KCNQ1OT1: variants seen among roughly 807,000 people sequenced by gnomAD.
KCNQ1OT1 encodes KCNQ1 opposite strand/antisense transcript 1.
rs1850512770 is a variant in KCNQ1OT1, at chr11:2,687,601, G to A, written n.12394C>T. 2.5e-6 allele frequency: 1 copy of A among 398,708 alleles called. No individual in the cohort carries two copies. The highest frequency in any genetic ancestry group is 3.6e-5 in the East Asian group (1 of 28,076). 24.7% of individuals were successfully genotyped at this position (398,708 alleles called of 1,614,324 possible). On this transcript the variant is annotated non_coding_transcript_exon_variant, in exon 1 of 1. Transcript: ENST00000597346. The surrounding 1 kb of genome is among the most constrained non-coding windows in gnomAD (Gnocchi z 5.0). ...AAGGAGGTGTGACTGAGAAAGGAAG[G>A]GGCAGAGATCCCTTCTCCATTCCTC...
exon 1 of KCNQ1OT1, chr11:2,643,284 T>C: frequency 2.5e-6 from 1 of 398,396 alleles, no homozygotes. Flanking sequence ...ATTATTGTGT[T>C]GAAGTCTACC....
At chr11:2,686,633 C>T (rs1850494477) in exon 1 of KCNQ1OT1, 1 of 398,616 alleles carries the variant, frequency 2.5e-6, no homozygotes, top group Admixed American at 4.4e-5. Context: ...GCCCTCAGGC[C>T]CAGGCTGCAC....
Position 2,642,413 on chromosome 11 carries a change from T to C in KCNQ1OT1, n.57582A>G. ...GATTTCTTTCTCAGCTGGTTCTTTA[T>C]TGGTATATAGAAATAAGCCTGATTT... On this transcript the variant is annotated non_coding_transcript_exon_variant, in exon 1 of 1. Transcript: ENST00000597346. The surrounding 1 kb of genome is among the most constrained non-coding windows in gnomAD (Gnocchi z 4.3). The C allele has an allele frequency of 2.5e-6, 1 of 398,204 alleles. No individual in the cohort carries two copies. The highest frequency in any genetic ancestry group is 3.6e-5 in the East Asian group (1 of 27,984). The allele number at this position is 398,204 out of a possible 1,614,324, so 24.7% of individuals were successfully genotyped here.
At chr11:2,692,207 C>A (rs1294125130) in exon 1 of KCNQ1OT1, 3 of 398,744 alleles carry the variant, frequency 7.5e-6, no homozygotes, top group Non-Finnish European at 1.3e-5. Context: ...ATTTCCGATA[C>A]ACCCGCTTCC....
In KCNQ1OT1 at chr11:2,670,040, C is replaced by G. The variant is rs1590020955; in HGVS notation, n.29955G>C. On this transcript the variant is annotated non_coding_transcript_exon_variant, in exon 1 of 1. Coordinates refer to ENST00000597346, the Ensembl canonical transcript of KCNQ1OT1. This position sits in a 1 kb window ranked among gnomAD's most constrained non-coding sequence, Gnocchi z 4.9. ...GTCCCGTGGAGGTACAGGCGGAAACCTAGCACTCACTATTCTGCTCTGGGG... is the reference window on the plus strand; with the variant it reads ...GTCCCGTGGAGGTACAGGCGGAAACGTAGCACTCACTATTCTGCTCTGGGG... The G allele has an allele frequency of 2.5e-6, 1 of 398,520 alleles. No individual in the cohort carries two copies. The highest frequency in any genetic ancestry group is 4.4e-5 in the Admixed American group (1 of 22,712). 24.7% of individuals were successfully genotyped at this position (398,520 alleles called of 1,614,324 possible).
At position 2,617,673 on chromosome 11, in the gene KCNQ1OT1, C is replaced by T; in HGVS notation, n.82322G>A. 1 of 398,406 alleles carries T rather than the reference C, an allele frequency of 2.5e-6. No homozygotes were observed. 24.7% of individuals were successfully genotyped at this position (398,406 alleles called of 1,614,324 possible). On this transcript the variant is annotated non_coding_transcript_exon_variant, in exon 1 of 1. Coordinates refer to ENST00000597346, the Ensembl canonical transcript of KCNQ1OT1. This position sits in a 1 kb window ranked among gnomAD's most constrained non-coding sequence, Gnocchi z 4.6. ...ATTATGACTGCACCAATCTACAGTC[C>T]CACCAACACTGTACAAGAGTTCCCT...
exon 1 of KCNQ1OT1, chr11:2,662,098 G>C: frequency 1.9e-6 from 3 of 1,614,144 alleles, no homozygotes; most frequent in Non-Finnish European, 2.5e-6. Context: ...GCCTACATGT[G>C]CGTGAAGGGC....
In KCNQ1OT1 at chr11:2,657,669, C is replaced by T; in HGVS notation, n.42326G>A. ...TATTTGGATTTCCCCAGTTTAACTACTAATGTCCTTTTTCTGTTCCAAGAT... is the reference window on the plus strand; with the variant it reads ...TATTTGGATTTCCCCAGTTTAACTATTAATGTCCTTTTTCTGTTCCAAGAT... On this transcript the variant is annotated non_coding_transcript_exon_variant, in exon 1 of 1. Transcript: ENST00000597346. This position sits in a 1 kb window ranked among gnomAD's most constrained non-coding sequence, Gnocchi z 4.8. 2.5e-6 allele frequency: 1 copy of T among 398,626 alleles called. No homozygotes were observed. The highest frequency in any genetic ancestry group is 4.4e-6 in the Non-Finnish European group (1 of 226,050). 24.7% of individuals were successfully genotyped at this position (398,626 alleles called of 1,614,324 possible). A position where few individuals can be genotyped will look rare whatever the true frequency, so the allele number is the denominator to read the frequency against.
chr11:2,625,632 G>A, exon 1 of KCNQ1OT1: 1 of 392,896 alleles, frequency 2.5e-6, no homozygotes, highest in Non-Finnish European at 4.4e-6. Context: ...GCTGAGTGCA[G>A]TGGTGCCATC....
In KCNQ1OT1 at chr11:2,669,183, T is replaced by C; in HGVS notation, n.30812A>G. 2.5e-6 allele frequency: 1 copy of C among 398,706 alleles called. No homozygotes were observed. Among genetic ancestry groups the C allele is most frequent in the Non-Finnish European group, 4.4e-6 (1 of 226,088 alleles). The allele number at this position is 398,706 out of a possible 1,614,324, so 24.7% of individuals were successfully genotyped here. A position where few individuals can be genotyped will look rare whatever the true frequency, so the allele number is the denominator to read the frequency against. ...TTGTTCTTTGTGGCCAGGACCTTGC[T>C]TCCTTCTCACTGTAGTTTGCTAACA... On this transcript the variant is annotated non_coding_transcript_exon_variant, in exon 1 of 1. Transcript: ENST00000597346. The surrounding 1 kb of genome is among the most constrained non-coding windows in gnomAD (Gnocchi z 5.6).
exon 1 of KCNQ1OT1, chr11:2,660,077 C>T (rs1021121831): frequency 3.0e-5 from 12 of 398,226 alleles, no homozygotes; most frequent in African/African-American, 1.4e-4. Flanking sequence ...TTTTCTCTTA[C>T]GAGTTAAACT....
exon 1 of KCNQ1OT1, chr11:2,692,512 G>A: frequency 2.5e-6 from 1 of 398,752 alleles, no homozygotes; most frequent in Admixed American, 4.4e-5. Context: ...CATCCCAGGT[G>A]CTCACAGGCT....
chr11:2,640,784 A>T (rs1849563237), exon 1 of KCNQ1OT1: 1 of 398,364 alleles, frequency 2.5e-6, no homozygotes, highest in Admixed American at 4.4e-5. Flanking sequence ...ATTTATTCTA[A>T]CTAGCTGTGT....
chr11:2,657,449 T>C lies in KCNQ1OT1; in HGVS notation n.42546A>G. ...CTTAGTTAGATAATTAATATTCTTT[T>C]GTGCTATTGTATACAGGTTCTGTTT... is the stretch of plus-strand genomic sequence containing the variant. On this transcript the variant is annotated non_coding_transcript_exon_variant, in exon 1 of 1. Coordinates refer to ENST00000597346, the Ensembl canonical transcript of KCNQ1OT1. This position sits in a 1 kb window ranked among gnomAD's most constrained non-coding sequence, Gnocchi z 4.8. The C allele has an allele frequency of 2.5e-6, 1 of 398,604 alleles. No homozygotes were observed. Among genetic ancestry groups the C allele is most frequent in the Non-Finnish European group, 4.4e-6 (1 of 226,046 alleles). 24.7% of individuals were successfully genotyped at this position (398,604 alleles called of 1,614,324 possible).
exon 1 of KCNQ1OT1, chr11:2,686,007 CA>C (rs897849114): frequency 5.0e-6 from 2 of 398,940 alleles, no homozygotes; most frequent in East Asian, 3.6e-5. Context: ...CAAGAAGAGT[CA>C]GGGGGGCTCA....
rs1850006306 is a variant in KCNQ1OT1, at chr11:2,663,472, G to T, written n.36523C>A. 2.5e-6 allele frequency: 1 copy of T among 398,598 alleles called. No homozygotes were observed. The highest frequency in any genetic ancestry group is 2.1e-5 in the African/African-American group (1 of 48,644). The allele number at this position is 398,598 out of a possible 1,614,324, so 24.7% of individuals were successfully genotyped here. Reference sequence around the variant, plus strand: ...CAAAGTGATCAGTGTTAGTTTAGTGGCTCATGTTGTGTGCAATACAGGTGG... The same window carrying T: ...CAAAGTGATCAGTGTTAGTTTAGTGTCTCATGTTGTGTGCAATACAGGTGG... On this transcript the variant is annotated non_coding_transcript_exon_variant, in exon 1 of 1. Coordinates refer to ENST00000597346, the Ensembl canonical transcript of KCNQ1OT1. This position sits in a 1 kb window ranked among gnomAD's most constrained non-coding sequence, Gnocchi z 5.2.
At chr11:2,662,151 T>G (rs935828447) in exon 1 of KCNQ1OT1, 13 of 1,603,248 alleles carry the variant, frequency 8.1e-6, no homozygotes, top group Non-Finnish European at 1.1e-5. Context: ...GACTTGGTGC[T>G]GGGGAAGCCT....
In KCNQ1OT1 at chr11:2,661,300, A is replaced by G. The variant is rs11820621; in HGVS notation, n.38695T>C. 0.022 allele frequency: 8,859 copies of G among 401,016 alleles called. 682 individuals carry two copies. The highest frequency in any genetic ancestry group is 0.16 in the African/African-American group (7,903 of 48,718). 24.8% of individuals were successfully genotyped at this position (401,016 alleles called of 1,614,324 possible). A position where few individuals can be genotyped will look rare whatever the true frequency, so the allele number is the denominator to read the frequency against. On this transcript the variant is annotated non_coding_transcript_exon_variant, in exon 1 of 1. Transcript: ENST00000597346. This position sits in a 1 kb window ranked among gnomAD's most constrained non-coding sequence, Gnocchi z 5.9. ...GCCAAGAGCAAATACTGATAGTGTC[A>G]ACAGAGAGTGGGGAGTGATAAGGAT...
chr11:2,665,406 C>T (rs905642930), exon 1 of KCNQ1OT1: 5 of 397,880 alleles, frequency 1.3e-5, no homozygotes, highest in African/African-American at 4.1e-5. Context: ...AGGATGAGTT[C>T]CTGGGATTCT....
Sources: gnomAD v4.1 joint callset for allele counts on GRCh38, gnomAD v4.1.1 for gene constraint, Gnocchi (gnomAD v3.1) non-coding constraint, MANE v1.5 for transcripts, NCBI Gene and HGNC (gene_info 2026-07-23, HGNC 2026-07-21) for gene names.